SORCS2: variants seen among roughly 807,000 people sequenced by gnomAD.
SORCS2 encodes VPS10 domain-containing receptor SorCS2.
In SORCS2, 100 loss-of-function variants were observed where a neutral mutation model predicts 141.6. That is an observed-to-expected ratio of 0.71 (90% CI 0.60 to 0.83). SORCS2 has a LOEUF of 0.83. Among genes scored for constraint, SORCS2 ranks in the 40% least tolerant of loss-of-function variants. The probability of loss-of-function intolerance (pLI) is 0.00; values close to 1 mark genes in which losing one functional copy is unlikely to be tolerated. For synonymous variants in SORCS2, 789 were observed against 676.9 expected (o/e 1.17, Z -2.57); for missense variants, 1,646 against 1,560.2 (o/e 1.05, Z -0.93).
intron 1 of SORCS2, among the ~76,000 whole-genome samples, chr4:7,237,085 CAGTGGTGCAGG>C (rs1237899775): frequency 6.6e-6 from 1 of 152,134 alleles, no homozygotes; most frequent in Admixed American, 6.5e-5. Context: ...TAGTTCCTGG[CAGTGGTGCAGG>C]AGGAGTTTGG....
chr4:7,589,520 A>G (rs1459987300), intron 3 of SORCS2, among the ~76,000 whole-genome samples: 1 of 152,150 alleles, frequency 6.6e-6, no homozygotes, highest in Non-Finnish European at 1.5e-5. Flanking sequence ...CTTCTGCCTC[A>G]GCCTCCCAAG....
At chr4:7,586,694 G>A (rs1716560297) in intron 3 of SORCS2, among the ~76,000 whole-genome samples, 1 of 152,168 alleles carries the variant, frequency 6.6e-6, no homozygotes. Flanking sequence ...GTATTCCATG[G>A]TGTATATGTA....
At chr4:7,606,801 C>A (rs910038581) in intron 3 of SORCS2, among the ~76,000 whole-genome samples, 1 of 152,162 alleles carries the variant, frequency 6.6e-6, no homozygotes, top group Middle Eastern at 3.4e-3. Context: ...AAGGGCAGAG[C>A]CCCTGTGGAT....
At chr4:7,724,627 A>G (rs111203714) in intron 19 of SORCS2, among the ~76,000 whole-genome samples, 10 of 67,772 alleles carry the variant, frequency 1.5e-4, no homozygotes, top group East Asian at 1.4e-3. Context: ...GAGGATGGTG[A>G]TGGTGGTGAT....
intron 18 of SORCS2, among the ~76,000 whole-genome samples, chr4:7,721,090 G>A (rs1312509795): frequency 6.6e-6 from 1 of 152,240 alleles, no homozygotes; most frequent in Non-Finnish European, 1.5e-5. Context: ...CCGCCCAGGT[G>A]CCCTGCAGTG....
chr4:7,377,709 C>T (rs764501102), intron 1 of SORCS2, among the ~76,000 whole-genome samples: 12 of 152,142 alleles, frequency 7.9e-5, no homozygotes, highest in East Asian at 5.8e-4. Flanking sequence ...AAATGCCAGG[C>T]GTGTGATTTA....
intron 3 of SORCS2, among the ~76,000 whole-genome samples, chr4:7,575,944 A>C (rs983663513): frequency 2.6e-5 from 4 of 152,248 alleles, no homozygotes; most frequent in African/African-American, 9.6e-5. Context: ...ATCTGAGTTC[A>C]TAATTAAGAA....
intron 3 of SORCS2, among the ~76,000 whole-genome samples, chr4:7,545,563 G>A (rs1399624134): frequency 6.6e-6 from 1 of 152,144 alleles, no homozygotes; most frequent in Non-Finnish European, 1.5e-5. Flanking sequence ...AAGAACACAG[G>A]CTCACCAAGG....
At chr4:7,481,008 C>T (rs1226337954) in intron 2 of SORCS2, among the ~76,000 whole-genome samples, 1 of 152,204 alleles carries the variant, frequency 6.6e-6, no homozygotes, top group Non-Finnish European at 1.5e-5. Context: ...AGGGGCTTCT[C>T]CTCCTAGACC....
At chr4:7,329,794 C>A (rs1719528076) in intron 1 of SORCS2, among the ~76,000 whole-genome samples, 1 of 152,112 alleles carries the variant, frequency 6.6e-6, no homozygotes, top group African/African-American at 2.4e-5. Flanking sequence ...ACTTTGAATA[C>A]CCATACAACC....
chr4:7,540,930 C>T lies in SORCS2; in HGVS notation c.648+9301C>T, dbSNP rs535890165. ...AAGTGGCCAAGGGAACCGGCCAGCG[C>T]CCCACCCACGAGGCTGCCCTCAGGT... On this transcript the variant is annotated intron_variant, in intron 3 of 26. Coordinates refer to ENST00000507866, the MANE Select transcript of SORCS2 (RefSeq NM_020777.3). 1.5e-3 allele frequency among the ~76,000 whole-genome samples: 222 copies of T among 152,338 alleles called. 1 individual carries two copies. Among genetic ancestry groups the T allele is most frequent in the African/African-American group, 5.0e-3 (209 of 41,576 alleles).
intron 2 of SORCS2, among the ~76,000 whole-genome samples, chr4:7,453,418 GGA>G: frequency 7.3e-6 from 1 of 136,552 alleles, no homozygotes; most frequent in African/African-American, 2.8e-5. Context: ...GTTGGGGTCA[GGA>G]GCTGTGTGTT....
chr4:7,391,750 A>G (rs1279423335), intron 1 of SORCS2, among the ~76,000 whole-genome samples: 5 of 152,070 alleles, frequency 3.3e-5, no homozygotes, highest in African/African-American at 1.2e-4. Flanking sequence ...CAGTTTCCTT[A>G]TTTCTAAAAT....
intron 3 of SORCS2, among the ~76,000 whole-genome samples, chr4:7,558,726 C>T (rs1210146163): frequency 1.3e-5 from 2 of 152,178 alleles, no homozygotes; most frequent in East Asian, 3.9e-4. Flanking sequence ...TGGTGCCTAC[C>T]CCAGGGGGCT....
At chr4:7,724,304 A>ATGG (rs201900230) in intron 19 of SORCS2, among the ~76,000 whole-genome samples, 7 of 125,630 alleles carry the variant, frequency 5.6e-5, no homozygotes, top group South Asian at 4.9e-4. Flanking sequence ...AATGGTGACA[A>ATGG]TGGTGGTGGT....
intron 1 of SORCS2, among the ~76,000 whole-genome samples, chr4:7,199,289 C>T (rs1175121140): frequency 2.0e-5 from 3 of 152,028 alleles, no homozygotes; most frequent in Non-Finnish European, 2.9e-5. Context: ...TCAGGAGGAG[C>T]GAAGTGGGGC....
chr4:7,689,668 T>C (rs1010830079), intron 11 of SORCS2, 80 bp downstream of exon 11: 4 of 1,349,356 alleles, frequency 3.0e-6, no homozygotes, highest in Middle Eastern at 3.6e-4. Flanking sequence ...TAAAAAGGGA[T>C]GGTCATGAGC....
In SORCS2 at chr4:7,289,542, G is replaced by A. The variant is rs1043044764; in HGVS notation, c.480+96416G>A. 2.0e-4 allele frequency among the ~76,000 whole-genome samples: 31 copies of A among 152,326 alleles called. No individual in the cohort carries two copies. The Middle Eastern group carries it at 0.014, about 67-fold the overall frequency. On this transcript the variant is annotated intron_variant, in intron 1 of 26. Transcript: ENST00000507866. ...TGGATGCTGGGGGCACGTGGTAAATGTTTGATGAATTCATTGAAGTCAGCA... is the reference window on the plus strand; with the variant it reads ...TGGATGCTGGGGGCACGTGGTAAATATTTGATGAATTCATTGAAGTCAGCA...
At chr4:7,254,664 G>A (rs1047731505) in intron 1 of SORCS2, among the ~76,000 whole-genome samples, 1 of 152,212 alleles carries the variant, frequency 6.6e-6, no homozygotes, top group Admixed American at 6.5e-5. Flanking sequence ...GAAAAAAAGA[G>A]GGGCGGGCTG....
Sources: allele counts gnomAD v4.1 joint callset (sites outside exome capture counted in the v4.1 genomes callset), GRCh38; gene constraint gnomAD v4.1.1; transcripts MANE v1.5; gene names NCBI Gene and HGNC (gene_info 2026-07-23, HGNC 2026-07-21).